The following FRYL variants were observed in gnomAD, a reference collection of about 807,000 sequenced individuals.
FRYL encodes FRY like transcription coactivator.
In FRYL, 150 loss-of-function variants were observed where a neutral mutation model predicts 351.2. The observed-to-expected ratio is 0.43, with a 90% CI of 0.37 to 0.49. The LOEUF is 0.49. Among genes scored for constraint, FRYL ranks in the 20% least tolerant of loss-of-function variants. The probability of loss-of-function intolerance (pLI) is 0.00; values close to 1 mark genes in which losing one functional copy is unlikely to be tolerated. For missense variants in FRYL, 3,036 were observed against 3,619.3 expected (o/e 0.84, Z 4.13); for synonymous variants, 1,153 against 1,257.1 (o/e 0.92, Z 1.75).
At chr4:48,744,342 G>T (rs1172646797) in intron 1 of FRYL, among the ~76,000 whole-genome samples, 1 of 152,090 alleles carries the variant, frequency 6.6e-6, no homozygotes, top group Admixed American at 6.5e-5. Flanking sequence ...GTTGAAGGAG[G>T]GGAAGGAGAG....
intron 8 of FRYL, among the ~76,000 whole-genome samples, 184 bp downstream of exon 8, chr4:48,609,560 T>C (rs1331794866): frequency 6.6e-6 from 1 of 151,704 alleles, no homozygotes; most frequent in Non-Finnish European, 1.5e-5. Context: ...AGGTCAAGGC[T>C]GCAGTGAGCC....
chr4:48,659,187 C>T (rs1759914371), intron 3 of FRYL, among the ~76,000 whole-genome samples: 1 of 151,806 alleles, frequency 6.6e-6, no homozygotes, highest in East Asian at 1.9e-4. Flanking sequence ...CCTGTCTCTA[C>T]TGAAAATACA....
chr4:48,567,806 G>C lies in FRYL; in HGVS notation c.2997-386C>G, dbSNP rs185547909. Among the ~76,000 whole-genome samples the C allele has an allele frequency of 6.6e-6, 1 of 152,194 alleles. No homozygotes were observed. Among genetic ancestry groups the C allele is most frequent in the Admixed American group, 6.5e-5 (1 of 15,286 alleles). Reference sequence around the variant, plus strand: ...AGTTCTATTTATTCATAGCTGCCATGTCTATTCATATTGTGCCTTCAGCAT... The same window carrying C: ...AGTTCTATTTATTCATAGCTGCCATCTCTATTCATATTGTGCCTTCAGCAT... On this transcript the variant is annotated intron_variant, in intron 27 of 63. Coordinates refer to ENST00000358350, the MANE Select transcript of FRYL (RefSeq NM_015030.2). The surrounding 1 kb of genome is among the most constrained non-coding windows in gnomAD (Gnocchi z 4.2).
In FRYL at chr4:48,609,754, G is replaced by A. The variant is rs368610662; in HGVS notation, c.481C>T (p.His161Tyr). ...VLNLAFKHFKHKEGYSGTNTG... is the reference protein window; with the variant it reads ...VLNLAFKHFKYKEGYSGTNTG... ...TAGTATTTTACTTACCCTTCCTTAT[G>A]TTTAAAGTGCTTAAAAGCTAAGTTT... Residue 161 changes from histidine to tyrosine, a missense_variant, in exon 8 of 64, where the codon CAT (histidine) becomes TAT (tyrosine). Around this residue, in one of 7 missense-constraint regions of FRYL, gnomAD observed 457 missense variants for 566.6 expected, o/e 0.81. Coordinates refer to ENST00000358350, the MANE Select transcript of FRYL (RefSeq NM_015030.2). 2.4e-5 allele frequency: 38 copies of A among 1,560,886 alleles called. No homozygotes were observed. Among genetic ancestry groups the A allele is most frequent in the Non-Finnish European group, 2.8e-5 (32 of 1,140,782 alleles).
At chr4:48,725,285 T>G (rs1414002147) in intron 1 of FRYL, among the ~76,000 whole-genome samples, 2 of 152,200 alleles carry the variant, frequency 1.3e-5, no homozygotes, top group Non-Finnish European at 2.9e-5. Context: ...CCACACTTAA[T>G]TGCTCCCCTC....
At chr4:48,608,166 A>G (rs1747270561) in intron 9 of FRYL, among the ~76,000 whole-genome samples, 1 of 152,188 alleles carries the variant, frequency 6.6e-6, no homozygotes, top group African/African-American at 2.4e-5. Flanking sequence ...TTTGCTATAC[A>G]AGGGTTCCTA....
At chr4:48,558,491 T>A (rs1734638732) in intron 33 of FRYL, among the ~76,000 whole-genome samples, 1 of 152,174 alleles carries the variant, frequency 6.6e-6, no homozygotes, top group African/African-American at 2.4e-5. Context: ...TTCTGCAGGA[T>A]GAAAAAGTTC....
At chr4:48,674,879 C>T (rs1763325906) in intron 3 of FRYL, among the ~76,000 whole-genome samples, 2 of 151,836 alleles carry the variant, frequency 1.3e-5, no homozygotes, top group Admixed American at 6.6e-5. Context: ...AAGAGGTTCA[C>T]TAAAAGTTTT....
At chr4:48,679,363 T>A (rs769744041) in intron 3 of FRYL, among the ~76,000 whole-genome samples, 2 of 152,158 alleles carry the variant, frequency 1.3e-5, no homozygotes, top group Non-Finnish European at 2.9e-5. Flanking sequence ...TGGTTTCTCA[T>A]AAATATACTA....
At chr4:48,610,899 C>A (rs1748037308) in intron 7 of FRYL, among the ~76,000 whole-genome samples, 1 of 150,286 alleles carries the variant, frequency 6.7e-6, no homozygotes, top group Non-Finnish European at 1.5e-5. Context: ...TTTGAGGAGC[C>A]CCCTATTAAT....
intron 15 of FRYL, among the ~76,000 whole-genome samples, chr4:48,594,293 G>C (rs1272369676): frequency 6.6e-6 from 1 of 152,066 alleles, no homozygotes; most frequent in Non-Finnish European, 1.5e-5. Context: ...AGAATTCCCA[G>C]GGTGACAATG....
intron 1 of FRYL, among the ~76,000 whole-genome samples, chr4:48,773,534 T>C (rs1335796599): frequency 6.6e-6 from 1 of 152,092 alleles, no homozygotes; most frequent in Non-Finnish European, 1.5e-5. Flanking sequence ...TATGTTAGTA[T>C]AAGGAAGTGT....
At chr4:48,775,318 GT>G (rs1298393174) in intron 1 of FRYL, among the ~76,000 whole-genome samples, 1 of 152,214 alleles carries the variant, frequency 6.6e-6, no homozygotes, top group African/African-American at 2.4e-5. Flanking sequence ...TCTATTTAAG[GT>G]TCCTGCTCAG....
intron 4 of FRYL, among the ~76,000 whole-genome samples, chr4:48,626,636 T>C (rs1279081705): frequency 3.3e-5 from 5 of 152,118 alleles, no homozygotes; most frequent in Non-Finnish European, 2.9e-5. Context: ...AATTGGTTTT[T>C]CTGTTGAGAA....
rs191266157 is a variant in FRYL, at chr4:48,776,267, C to A, written c.-384+3811G>T. Among the ~76,000 whole-genome samples, 52 of 151,970 alleles carry A rather than the reference C, an allele frequency of 3.4e-4. No individual in the cohort carries two copies. The East Asian group carries it at 9.5e-3, about 28-fold the overall frequency. The stretch of plus-strand genomic sequence containing the variant: ...CCTCCCAAAGTCCTGGGATTACAGG[C>A]ATGAGCCACCATACCCAGCCACTTT... On this transcript the variant is annotated intron_variant, in intron 1 of 63. Transcript: ENST00000358350.
rs1743102982 is a variant in FRYL, at chr4:48,590,914, T to C, written c.1336-84A>G. 1.6e-5 allele frequency: 17 copies of C among 1,047,902 alleles called. No homozygotes were observed. In the South Asian group the frequency reaches 2.4e-4, roughly 15 times the overall value. 64.9% of individuals were successfully genotyped at this position (1,047,902 alleles called of 1,614,324 possible). A position where few individuals can be genotyped will look rare whatever the true frequency, so the allele number is the denominator to read the frequency against. On this transcript the variant is annotated intron_variant, in intron 16 of 63. Coordinates refer to ENST00000358350, the MANE Select transcript of FRYL (RefSeq NM_015030.2). ...TGTTAGAAATATTTCATCAGTAACATCAGAGTTGGGGGGTGGAAGGAAGGA... is the reference window on the plus strand; with the variant it reads ...TGTTAGAAATATTTCATCAGTAACACCAGAGTTGGGGGGTGGAAGGAAGGA...
At chr4:48,604,615 G>A (rs1746370454) in intron 11 of FRYL, among the ~76,000 whole-genome samples, 1 of 152,140 alleles carries the variant, frequency 6.6e-6, no homozygotes, top group Non-Finnish European at 1.5e-5. Context: ...GCTAAGCAAG[G>A]GGCATGGAGC....
At chr4:48,706,752 CCT>C (rs1767405090) in intron 2 of FRYL, among the ~76,000 whole-genome samples, 1 of 151,964 alleles carries the variant, frequency 6.6e-6, no homozygotes, top group South Asian at 2.1e-4. Context: ...TCTTGGATGC[CCT>C]CTCTCCCTTG....
At chr4:48,579,454 C>G (rs1740391273) in intron 22 of FRYL, among the ~76,000 whole-genome samples, 1 of 152,104 alleles carries the variant, frequency 6.6e-6, no homozygotes, top group African/African-American at 2.4e-5. Flanking sequence ...AGGGATTCCA[C>G]TGTTTTCATT....
Sources: allele counts gnomAD v4.1 joint callset (sites outside exome capture counted in the v4.1 genomes callset), GRCh38; gene constraint gnomAD v4.1.1; regional missense constraint gnomAD v4.1.1; non-coding constraint Gnocchi (gnomAD v3.1); transcripts MANE v1.5; gene names NCBI Gene and HGNC (gene_info 2026-07-23, HGNC 2026-07-21).